The following HTR3D variants were observed in gnomAD, a reference collection of about 807,000 sequenced individuals.
HTR3D encodes the protein 5-hydroxytryptamine receptor 3D, also known as 5-hydroxytryptamine (serotonin) receptor 3 family member D.
Under a neutral mutation model 45.8 loss-of-function variants are expected in HTR3D, and 47 were observed. That is an observed-to-expected ratio of 1.03 (90% confidence interval 0.81 to 1.31). HTR3D has a LOEUF of 1.31. Ranked by LOEUF, HTR3D falls within the 50% of genes most tolerant of loss-of-function variation. The probability of loss-of-function intolerance (pLI) is 0.00; values close to 1 mark genes in which losing one functional copy is unlikely to be tolerated. For synonymous variants in HTR3D, 203 were observed against 199.8 expected, an observed-to-expected ratio of 1.02 and a Z score of -0.13; for missense variants, 448 against 506.9, an observed-to-expected ratio of 0.88 and a Z score of 1.12.
intron 1 of HTR3D, chr3:184,032,854 C>A: frequency 1.3e-6 from 2 of 1,551,884 alleles, no homozygotes; most frequent in Non-Finnish European, 1.7e-6. Context: ...CTCCAGGCCC[C>A]CCAGCCCTGG....
intron 1 of HTR3D, among the ~76,000 whole-genome samples, chr3:184,034,366 A>G (rs994251130): frequency 5.3e-5 from 8 of 152,222 alleles, no homozygotes; most frequent in African/African-American, 1.7e-4. Flanking sequence ...CAAATAGTGT[A>G]TTTGTCTAAT....
chr3:184,036,244 AG>A, intron 3 of HTR3D, 130 bp from the exon 4 acceptor site: 1 of 1,490,888 alleles, frequency 6.7e-7, no homozygotes, highest in East Asian at 2.5e-5. Context: ...ATATGATTAT[AG>A]GTAGAAGAGA....
Position 184,031,761 on chromosome 3 carries a change from A to G in HTR3D, c.20A>G (p.His7Arg), listed in dbSNP as rs765257910. The G allele has an allele frequency of 6.4e-7, 1 of 1,551,502 alleles. No individual in the cohort carries two copies. Among genetic ancestry groups the G allele is most frequent in the South Asian group, 1.2e-5 (1 of 84,056 alleles). MERGWF[H>R]GKGFLLGFIL... ...AGGAAGATGGAAAGAGGCTGGTTCC[A>G]TGGGAAAGGATTCCTCCTTGGCTTC... The change falls in exon 1 of 8, where the codon CAT becomes CGT. Residue 7 changes from histidine to arginine, a missense_variant. His to Arg is a conservative substitution (Grantham distance 29). Coordinates refer to ENST00000428798, the MANE Select transcript of HTR3D (RefSeq NM_001145143.1).
intron 1 of HTR3D, 171 bp from the exon 2 acceptor site, chr3:184,035,007 T>C: frequency 1.4e-6 from 2 of 1,429,638 alleles, no homozygotes; most frequent in Non-Finnish European, 1.8e-6. Flanking sequence ...GTGTTTTTCA[T>C]TTACATTTTC....
At chr3:184,032,820 G>C (rs749659032) in intron 1 of HTR3D, 5 of 1,543,846 alleles carry the variant, frequency 3.2e-6, no homozygotes, top group Non-Finnish European at 4.4e-6. Context: ...AGTGCCCCCT[G>C]TTTTCTCTCC....
chr3:184,037,743 A>T (rs1467257), intron 5 of HTR3D, among the ~76,000 whole-genome samples: 2 of 151,936 alleles, frequency 1.3e-5, no homozygotes, highest in Non-Finnish European at 1.5e-5. Flanking sequence ...GTGGTTCCAC[A>T]GTCTTGCTAA....
Position 184,031,795 on chromosome 3 carries a change from C to T in HTR3D, c.54C>T (p.His18=). 3 of 1,551,058 alleles carry T rather than the reference C, an allele frequency of 1.9e-6. No homozygotes were observed. The highest frequency in any genetic ancestry group is 1.4e-5 in the African/African-American group (1 of 73,136). ...GKGFLLGFIL[H]LLLQDSHLQL... is the part of the protein sequence containing the mutation. Reference sequence around the variant, plus strand: ...GATTCCTCCTTGGCTTCATCCTCCACCTGCTGCTGCAAGTACCTTAAGATA... The same window carrying T: ...GATTCCTCCTTGGCTTCATCCTCCATCTGCTGCTGCAAGTACCTTAAGATA... Residue 18 remains histidine, a synonymous_variant, in exon 1 of 8, where the codon CAC becomes CAT. Coordinates refer to ENST00000428798, the MANE Select transcript of HTR3D (RefSeq NM_001145143.1).
intron 1 of HTR3D, 34 bp downstream of exon 1, chr3:184,031,841 A>G: frequency 2.1e-6 from 3 of 1,453,890 alleles, no homozygotes; most frequent in South Asian, 1.2e-5. Flanking sequence ...CTGAGCAGAC[A>G]TGTAACTCCT....
intron 1 of HTR3D, among the ~76,000 whole-genome samples, chr3:184,034,088 C>T (rs1722819060): frequency 2.0e-5 from 3 of 152,154 alleles, no homozygotes; most frequent in South Asian, 2.1e-4. Context: ...TACCATACAA[C>T]CAAATAATTA....
Position 184,031,759 on chromosome 3 carries a change from C to T in HTR3D, c.18C>T (p.Phe6=). The stretch of plus-strand genomic sequence containing the variant: ...AGAGGAAGATGGAAAGAGGCTGGTT[C>T]CATGGGAAAGGATTCCTCCTTGGCT... MERGW[F]HGKGFLLGFI... Residue 6 remains phenylalanine, a synonymous_variant, in exon 1 of 8, where the codon TTC becomes TTT. Transcript: ENST00000428798. 2 of 1,551,318 alleles carry T rather than the reference C, an allele frequency of 1.3e-6. No individual in the cohort carries two copies. Among genetic ancestry groups the T allele is most frequent in the Non-Finnish European group, 1.7e-6 (2 of 1,146,762 alleles).
chr3:184,038,923 T>C lies in HTR3D; in HGVS notation c.1163T>C (p.Leu388Pro), dbSNP rs1722999065. Residue 388 changes from leucine (L) to proline (P), a missense_variant, in exon 8 of 8, where the codon CTG becomes CCG. Leu to Pro is a moderately conservative substitution (Grantham distance 98). Transcript: ENST00000428798. The surrounding 1 kb of genome is among the most constrained non-coding windows in gnomAD (Gnocchi z 4.5). ...GACGCCCTGCTCTTCCGCCTCTACCTGCTCTTCATGGCCTCCTCCATCATC... is the reference window on the plus strand; with the variant it reads ...GACGCCCTGCTCTTCCGCCTCTACCCGCTCTTCATGGCCTCCTCCATCATC... Reference protein sequence around the residue: ...AMDALLFRLYLLFMASSIITV... With the variant: ...AMDALLFRLYPLFMASSIITV... 8 of 1,614,178 alleles carry C rather than the reference T, an allele frequency of 5.0e-6. No individual in the cohort carries two copies. Among genetic ancestry groups the C allele is most frequent in the Non-Finnish European group, 6.8e-6 (8 of 1,180,024 alleles).
chr3:184,031,660 G>C (rs1230736631), upstream of HTR3D: 5 of 922,376 alleles, frequency 5.4e-6, no homozygotes, highest in Admixed American at 6.2e-5. Flanking sequence ...ATTATTCAAA[G>C]GTAGGGCTCA....
chr3:184,036,985 C>G, intron 5 of HTR3D, 89 bp downstream of exon 5: 1 of 1,320,778 alleles, frequency 7.6e-7, no homozygotes, highest in South Asian at 1.4e-5. Context: ...GCCTCGGCCT[C>G]CCAAAGTGCT....
Position 184,038,605 on chromosome 3 carries a change from C to T in HTR3D, c.966C>T (p.Leu322=), listed in dbSNP as rs267599708. ...AGAAGGGAAATAAGGGCCCGGGTCT[C>T]ACCCCCACCCACCTGCCCGGTGAGG... The part of the protein sequence containing the change: ...APQKGNKGPG[L]TPTHLPGVKE... Residue 322 remains leucine (L), a synonymous_variant, in exon 7 of 8, where the codon CTC becomes CTT. Coordinates refer to ENST00000428798, the MANE Select transcript of HTR3D (RefSeq NM_001145143.1). This position sits in a 1 kb window ranked among gnomAD's most constrained non-coding sequence, Gnocchi z 4.5. The T allele has an allele frequency of 1.9e-6, 3 of 1,613,594 alleles. No homozygotes were observed. The highest frequency in any genetic ancestry group is 1.7e-6 in the Non-Finnish European group (2 of 1,179,742).
chr3:184,039,115 C>T lies in HTR3D; in HGVS notation c.*140C>T. 2.3e-6 allele frequency: 2 copies of T among 881,052 alleles called. No individual in the cohort carries two copies. The highest frequency in any genetic ancestry group is 3.5e-6 in the Non-Finnish European group (2 of 574,074). 54.6% of individuals were successfully genotyped at this position (881,052 alleles called of 1,614,324 possible). ...GTCCTCTGTGTAGTTTCAGACCAGA[C>T]CTGAATAGTCTCCTATGCCCTCCAA... On this transcript the variant is annotated 3_prime_UTR_variant, in exon 8 of 8. Coordinates refer to ENST00000428798, the MANE Select transcript of HTR3D (RefSeq NM_001145143.1).
chr3:184,033,082 C>A, intron 1 of HTR3D: 1 of 1,512,980 alleles, frequency 6.6e-7, no homozygotes, highest in Non-Finnish European at 9.0e-7. Flanking sequence ...CCCAACATTG[C>A]AGTGGTCTAG....
At chr3:184,036,591 G>A in intron 4 of HTR3D, 47 bp downstream of exon 4, 1 of 1,609,030 alleles carries the variant, frequency 6.2e-7, no homozygotes, top group East Asian at 2.2e-5. Context: ...AAAGGGCTTT[G>A]AGTGAGAAGA....
At chr3:184,036,133 C>A (rs1285627863) in intron 3 of HTR3D, 33 bp downstream of exon 3, 2 of 1,541,964 alleles carry the variant, frequency 1.3e-6, no homozygotes, top group Non-Finnish European at 1.7e-6. Context: ...AGAATGGAAA[C>A]CACGTCTACA....
rs374818050 is a variant in HTR3D, at chr3:184,036,697, C to A, written c.368-51C>A. The A allele has an allele frequency of 1.0e-5, 16 of 1,555,050 alleles. No individual in the cohort carries two copies. The African/African-American group carries it at 1.6e-4, about 16-fold the overall frequency. ...ACAGTCTGGGCAAGGGACTTGGGCG[C>A]ATTTGGGGAGGCTGAGTCTTCTGGG... On this transcript the variant is annotated intron_variant, in intron 4 of 7. Coordinates refer to ENST00000428798, the MANE Select transcript of HTR3D (RefSeq NM_001145143.1).
Sources: allele counts gnomAD v4.1 joint callset (sites outside exome capture counted in the v4.1 genomes callset), GRCh38; gene constraint gnomAD v4.1.1; non-coding constraint Gnocchi (gnomAD v3.1); transcripts MANE v1.5; gene names NCBI Gene and HGNC (gene_info 2026-07-23, HGNC 2026-07-21).